GPRIN3: variants seen among roughly 807,000 people sequenced by gnomAD.
The protein encoded by GPRIN3 is GPRIN family member 3.
Under a neutral mutation model 13.7 loss-of-function variants are expected in GPRIN3, and 12 were observed. That is an observed-to-expected ratio of 0.87 (90% CI 0.56 to 1.42). The LOEUF (loss-of-function observed/expected upper bound fraction) is 1.42. Among genes scored for constraint, GPRIN3 ranks in the 40% most tolerant of loss-of-function variants. The pLI, the probability that GPRIN3 is intolerant of heterozygous loss-of-function variation, is 0.00. For synonymous variants in GPRIN3, 377 were observed against 372.7 expected, an observed-to-expected ratio of 1.01 and a Z score of -0.13; for missense variants, 1,009 against 958.7, an observed-to-expected ratio of 1.05 and a Z score of -0.69.
chr4:89,299,273 G>A lies in GPRIN3; in HGVS notation c.-124+8342C>T, dbSNP rs555565231. 2.2e-4 allele frequency among the ~76,000 whole-genome samples: 34 copies of A among 152,128 alleles called. No homozygotes were observed. In the South Asian group the frequency reaches 5.0e-3, roughly 22 times the overall value. ...GTTAGTTTCGATTGGTACTATTCTC[G>A]GCACTGTCTTCTCGGAGTGAAGCTG... On this transcript the variant is annotated intron_variant, in intron 1 of 1. Coordinates refer to ENST00000609438, the MANE Select transcript of GPRIN3 (RefSeq NM_198281.3).
intron 1 of GPRIN3, among the ~76,000 whole-genome samples, chr4:89,252,472 C>T (rs781099272): frequency 1.7e-4 from 26 of 152,150 alleles, no homozygotes; most frequent in Non-Finnish European, 3.2e-4. Context: ...CTTTCCAGCT[C>T]CAAAATTCAA....
chr4:89,270,577 A>ATATATATATAT (rs1723913355), intron 1 of GPRIN3, among the ~76,000 whole-genome samples: 1 of 99,168 alleles, frequency 1.0e-5, no homozygotes, highest in African/African-American at 6.0e-5. Context: ...ATATATATAT[A>ATATATATATAT]TATATATATA....
intron 1 of GPRIN3, among the ~76,000 whole-genome samples, chr4:89,260,323 G>A (rs761576052): frequency 2.0e-5 from 3 of 152,132 alleles, no homozygotes; most frequent in Non-Finnish European, 4.4e-5. Context: ...TTTGCAAGGA[G>A]AACCAGGCTG....
chr4:89,302,414 T>A (rs1334500294), intron 1 of GPRIN3, among the ~76,000 whole-genome samples: 2 of 152,226 alleles, frequency 1.3e-5, no homozygotes, highest in African/African-American at 4.8e-5. Context: ...TTTCCAAATC[T>A]GGGTACTGGA....
chr4:89,284,872 G>C (rs1724357674), intron 1 of GPRIN3, among the ~76,000 whole-genome samples: 1 of 152,172 alleles, frequency 6.6e-6, no homozygotes, highest in Admixed American at 6.5e-5. Flanking sequence ...ATCAGGCTAG[G>C]GGAAGGAGAG....
intron 1 of GPRIN3, among the ~76,000 whole-genome samples, chr4:89,294,511 T>C (rs1056854578): frequency 6.6e-6 from 1 of 152,234 alleles, no homozygotes; most frequent in Non-Finnish European, 1.5e-5. Flanking sequence ...TTTACATAAT[T>C]TCTGAAGATT....
chr4:89,270,600 T>TAA (rs34016285), intron 1 of GPRIN3, among the ~76,000 whole-genome samples: 112 of 120,582 alleles, frequency 9.3e-4, no homozygotes, highest in African/African-American at 3.4e-3. Flanking sequence ...TATATATATA[T>TAA]AAAATATAGA....
chr4:89,256,255 AG>A (rs1723462564), intron 1 of GPRIN3, among the ~76,000 whole-genome samples: 1 of 152,080 alleles, frequency 6.6e-6, no homozygotes. Context: ...CCTAGAGGAG[AG>A]GGAACCTTCT....
rs1217073392 is a variant in GPRIN3 at position 89,236,943 on chromosome 4, C to T, written c.*10837G>A. On this transcript the variant is annotated 3_prime_UTR_variant, in exon 2 of 2. Coordinates refer to ENST00000609438, the MANE Select transcript of GPRIN3 (RefSeq NM_198281.3). ...GGGCTAAAAAAACATAGATAACAAG[C>T]AAATGCTTTGGAGCCCTTTAAGAAG... is the stretch of plus-strand genomic sequence containing the variant. 1 of 152,160 alleles carries T rather than the reference C, an allele frequency of 6.6e-6. No individual in the cohort carries two copies. The highest frequency in any genetic ancestry group is 1.5e-5 in the Non-Finnish European group (1 of 68,020). The allele number at this position is 152,160 out of a possible 1,614,324, so 9.4% of individuals were successfully genotyped here. A position where few individuals can be genotyped will look rare whatever the true frequency, so the allele number is the denominator to read the frequency against.
chr4:89,304,518 G>C (rs1724983717), intron 1 of GPRIN3, among the ~76,000 whole-genome samples: 1 of 151,956 alleles, frequency 6.6e-6, no homozygotes, highest in South Asian at 2.1e-4. Flanking sequence ...TCACTAAACT[G>C]ACTTCACAGT....
At chr4:89,286,192 T>C (rs183180997) in intron 1 of GPRIN3, among the ~76,000 whole-genome samples, 3 of 152,080 alleles carry the variant, frequency 2.0e-5, no homozygotes, top group Admixed American at 2.0e-4. Context: ...TCTCTGACTG[T>C]TTTAACAATG....
chr4:89,301,318 T>A (rs1378457175), intron 1 of GPRIN3, among the ~76,000 whole-genome samples: 1 of 152,160 alleles, frequency 6.6e-6, no homozygotes, highest in Non-Finnish European at 1.5e-5. Context: ...AAGGAAGAAC[T>A]ACAAGAAAAA....
chr4:89,300,240 C>T (rs564999771), intron 1 of GPRIN3, among the ~76,000 whole-genome samples: 3 of 152,186 alleles, frequency 2.0e-5, no homozygotes, highest in Non-Finnish European at 2.9e-5. Context: ...TTAGGGAACA[C>T]CTAAGTAGTC....
chr4:89,298,808 C>T (rs1401779340), intron 1 of GPRIN3, among the ~76,000 whole-genome samples: 1 of 151,952 alleles, frequency 6.6e-6, no homozygotes, highest in Non-Finnish European at 1.5e-5. Context: ...TTCCTATTTC[C>T]AGTTGGAGGA....
intron 1 of GPRIN3, among the ~76,000 whole-genome samples, chr4:89,277,708 G>T (rs1399510062): frequency 6.6e-6 from 1 of 152,204 alleles, no homozygotes; most frequent in Non-Finnish European, 1.5e-5. Context: ...AGAAAGCTCA[G>T]CCTTCGTCAC....
chr4:89,246,928 A>G lies in GPRIN3; in HGVS notation c.*852T>C, dbSNP rs181234799. ...AACACCTGCACAGTATCAATTTAGTATTATCCCTAATTTGATGGCTCTTTT... is the reference window on the plus strand; with the variant it reads ...AACACCTGCACAGTATCAATTTAGTGTTATCCCTAATTTGATGGCTCTTTT... On this transcript the variant is annotated 3_prime_UTR_variant, in exon 2 of 2. Transcript: ENST00000609438. 1 of 152,322 alleles carries G rather than the reference A, an allele frequency of 6.6e-6. No individual in the cohort carries two copies. The highest frequency in any genetic ancestry group is 1.9e-4 in the East Asian group (1 of 5,184). The allele number at this position is 152,322 out of a possible 1,614,324, so 9.4% of individuals were successfully genotyped here. A position where few individuals can be genotyped will look rare whatever the true frequency, so the allele number is the denominator to read the frequency against.
rs749032621 is a variant in GPRIN3 at position 89,248,486 on chromosome 4, GATGCAGGCTTCTTTTCCCTTGC to G, written c.1603_1624del (p.Ala535LeufsTer4). On this transcript the variant is annotated frameshift_variant, in exon 2 of 2. Transcript: ENST00000609438. LOFTEE classifies it low-confidence loss of function (END_TRUNC). ...CTCTTTTTCTTTTACTACCTGAGGA[GATGCAGGCTTCTTTTCCCTTGC>G]ATCTCCTTTATTAGTGGGATCCAAG... is the stretch of plus-strand genomic sequence containing the variant. 1 of 1,612,618 alleles carries G rather than the reference GATGCAGGCTTCTTTTCCCTTGC, an allele frequency of 6.2e-7. No individual in the cohort carries two copies. The highest frequency in any genetic ancestry group is 8.5e-7 in the Non-Finnish European group (1 of 1,179,368).
chr4:89,250,362 C>A, intron 1 of GPRIN3, 129 bp from the exon 2 acceptor site: 1 of 430,322 alleles, frequency 2.3e-6, no homozygotes, highest in African/African-American at 2.1e-5. Flanking sequence ...TAAAAATAGA[C>A]CTTGTGGGGA....
intron 1 of GPRIN3, among the ~76,000 whole-genome samples, chr4:89,299,026 G>T (rs955989831): frequency 4.6e-5 from 7 of 152,042 alleles, no homozygotes; most frequent in Non-Finnish European, 1.0e-4. Context: ...CAGTTTCTTC[G>T]TAAAAGAGCA....
Sources: allele counts gnomAD v4.1 joint callset (sites outside exome capture counted in the v4.1 genomes callset), GRCh38; gene constraint gnomAD v4.1.1; transcripts MANE v1.5; gene names NCBI Gene and HGNC (gene_info 2026-07-23, HGNC 2026-07-21).